NCOA2: variants seen among roughly 807,000 people sequenced by gnomAD.
NCOA2 encodes the protein nuclear receptor coactivator 2.
A neutral mutation model predicts 145.1 loss-of-function variants in NCOA2; 21 were observed. That is an observed-to-expected ratio of 0.14 (90% CI 0.10 to 0.21). NCOA2 has a LOEUF of 0.21. NCOA2 is among the 10% of genes least tolerant of loss of function. NCOA2 has a pLI of 1.00. For missense variants in NCOA2, 1,472 were observed against 1,837.6 expected, an observed-to-expected ratio of 0.80 and a Z score of 3.64; for synonymous variants, 619 against 637.5, an observed-to-expected ratio of 0.97 and a Z score of 0.44.
chr8:70,128,349 A>T, intron 18 of NCOA2, 84 bp downstream of exon 18: 3 of 1,163,716 alleles, frequency 2.6e-6, no homozygotes, highest in Non-Finnish European at 2.5e-6. Flanking sequence ...CACGTCTACT[A>T]AGTTAACTTT....
intron 2 of NCOA2, among the ~76,000 whole-genome samples, chr8:70,275,221 A>G (rs1825379516): frequency 6.6e-6 from 1 of 152,178 alleles, no homozygotes; most frequent in Non-Finnish European, 1.5e-5. Context: ...TTTACTTGCA[A>G]AACTGTATTC....
chr8:70,276,862 T>TCATCTACA (rs1426763858), intron 2 of NCOA2, among the ~76,000 whole-genome samples: 1 of 152,166 alleles, frequency 6.6e-6, no homozygotes, highest in Non-Finnish European at 1.5e-5. Flanking sequence ...AAAACAGACA[T>TCATCTACA]CATCTACATG....
intron 1 of NCOA2, among the ~76,000 whole-genome samples, chr8:70,318,107 T>C (rs183822099): frequency 6.6e-6 from 1 of 152,310 alleles, no homozygotes; most frequent in East Asian, 1.9e-4. Context: ...TTATAAAAGT[T>C]AGGCCCTCAG....
chr8:70,326,303 TTTA>T (rs1432309319), intron 1 of NCOA2, among the ~76,000 whole-genome samples: 1 of 152,154 alleles, frequency 6.6e-6, no homozygotes, highest in East Asian at 1.9e-4. Flanking sequence ...TGCTCTTACC[TTTA>T]TTAAGTTCTC....
chr8:70,267,976 A>G (rs1824747927), intron 2 of NCOA2, among the ~76,000 whole-genome samples: 2 of 152,302 alleles, frequency 1.3e-5, no homozygotes, highest in South Asian at 4.1e-4. Context: ...TTGAAGCAGG[A>G]TATGTGGGAA....
intron 1 of NCOA2, among the ~76,000 whole-genome samples, chr8:70,378,032 A>G (rs1293904496): frequency 6.6e-6 from 1 of 152,210 alleles, no homozygotes; most frequent in Admixed American, 6.5e-5. Flanking sequence ...CCAAGTTGGA[A>G]CCATGAGACT....
rs1812357433 is a variant in NCOA2 at position 70,156,896 on chromosome 8, T to A, written c.1469A>T (p.His490Leu). 1.9e-6 allele frequency: 3 copies of A among 1,613,876 alleles called. No individual in the cohort carries two copies. The African/African-American group carries it at 4.0e-5, about 22-fold the overall frequency. The change falls in exon 11 of 23, where the codon CAT (histidine) becomes CTT (leucine). Residue 490 changes from histidine (H) to leucine (L), a missense_variant. Around this residue, in one of 4 missense-constraint regions of NCOA2, gnomAD observed 953 missense variants for 1,062.1 expected, o/e 0.90. Coordinates refer to ENST00000452400, the MANE Select transcript of NCOA2 (RefSeq NM_006540.4). The part of the protein sequence containing the change: ...GQPTSMLSPR[H>L]RMSPGVAGSP... ...GCCAGCCACTCCAGGGCTCATGCGA[T>A]GCCTTGGTGAAAGCATGGAGGTGGG... is the stretch of plus-strand genomic sequence containing the variant.
intron 2 of NCOA2, among the ~76,000 whole-genome samples, chr8:70,260,722 A>T (rs192555209): frequency 1.3e-5 from 2 of 152,350 alleles, no homozygotes; most frequent in East Asian, 3.9e-4. Context: ...TAAGGCTGTC[A>T]ATTTGTTTTC....
chr8:70,293,783 T>C (rs772277437), intron 2 of NCOA2, among the ~76,000 whole-genome samples: 11 of 152,190 alleles, frequency 7.2e-5, no homozygotes, highest in Non-Finnish European at 1.5e-4. Flanking sequence ...TGGCTAACTT[T>C]AAAAATGCTT....
intron 1 of NCOA2, among the ~76,000 whole-genome samples, chr8:70,386,678 CTTAGTGATAACCAG>C (rs1812701235): frequency 6.6e-6 from 1 of 152,116 alleles, no homozygotes; most frequent in African/African-American, 2.4e-5. Context: ...TTCAATCTTC[CTTAGTGATAACCAG>C]AGAATCCAAT....
At chr8:70,143,813 T>A (rs1367960752) in intron 13 of NCOA2, among the ~76,000 whole-genome samples, 1 of 152,256 alleles carries the variant, frequency 6.6e-6, no homozygotes, top group African/African-American at 2.4e-5. Flanking sequence ...TTTCTTTCCA[T>A]GCCTTTGTTT....
chr8:70,249,597 C>T (rs1248510557), intron 2 of NCOA2, among the ~76,000 whole-genome samples: 1 of 152,058 alleles, frequency 6.6e-6, no homozygotes, highest in Non-Finnish European at 1.5e-5. Flanking sequence ...AGGAAGACAT[C>T]AATTGATGGT....
At chr8:70,122,645 TACA>T (rs1007022871) in intron 21 of NCOA2, among the ~76,000 whole-genome samples, 1 of 152,242 alleles carries the variant, frequency 6.6e-6, no homozygotes, top group Admixed American at 6.5e-5. Context: ...AAGTTATTAC[TACA>T]AGCACACAAC....
chr8:70,157,559 C>T (rs1812427761), intron 10 of NCOA2, among the ~76,000 whole-genome samples: 1 of 152,154 alleles, frequency 6.6e-6, no homozygotes, highest in African/African-American at 2.4e-5. Context: ...CATAATACAT[C>T]TTTCTCATGA....
chr8:70,405,179 A>G (rs1274256827), upstream of NCOA2, among the ~76,000 whole-genome samples: 1 of 152,192 alleles, frequency 6.6e-6, no homozygotes, highest in East Asian at 1.9e-4. Flanking sequence ...TCCAAAGCCC[A>G]TGCTTTTAAA....
At chr8:70,159,135 C>T (rs559130736) in intron 10 of NCOA2, among the ~76,000 whole-genome samples, 52 of 149,880 alleles carry the variant, frequency 3.5e-4, no homozygotes, top group African/African-American at 1.2e-3. Flanking sequence ...ACACATCCTC[C>T]TATATACTTT....
At chr8:70,317,797 T>C (rs566085532) in intron 1 of NCOA2, among the ~76,000 whole-genome samples, 2 of 152,230 alleles carry the variant, frequency 1.3e-5, no homozygotes, top group South Asian at 2.1e-4. Flanking sequence ...CAGTGGCTCA[T>C]ACCTGTAATC....
At chr8:70,147,262 A>G (rs1337675412) in intron 12 of NCOA2, among the ~76,000 whole-genome samples, 1 of 152,084 alleles carries the variant, frequency 6.6e-6, no homozygotes, top group East Asian at 1.9e-4. Flanking sequence ...CCTCCCGAGT[A>G]GCTGGAATTA....
intron 1 of NCOA2, among the ~76,000 whole-genome samples, chr8:70,359,720 C>A (rs920600647): frequency 1.3e-5 from 2 of 152,112 alleles, no homozygotes; most frequent in Non-Finnish European, 2.9e-5. Context: ...ATATTATTAA[C>A]TCAACTTCAC....
Sources: gnomAD v4.1 joint callset for allele counts (sites outside exome capture counted in the v4.1 genomes callset) on GRCh38, gnomAD v4.1.1 for gene constraint, gnomAD v4.1.1 regional missense constraint, MANE v1.5 for transcripts, NCBI Gene and HGNC (gene_info 2026-07-23, HGNC 2026-07-21) for gene names.